The following MRPL48 variants were observed in gnomAD, a reference collection of about 807,000 sequenced individuals.
The protein encoded by MRPL48 is large ribosomal subunit protein mL48.
Under a neutral mutation model 32.9 loss-of-function variants are expected in MRPL48, and 16 were observed. The observed-to-expected ratio is 0.49, with a 90% CI of 0.33 to 0.74. The LOEUF is 0.74. Among genes scored for constraint, MRPL48 ranks in the 30% least tolerant of loss-of-function variants. MRPL48 has a pLI of 0.02. For synonymous variants in MRPL48, 94 were observed against 89.2 expected (o/e 1.05, Z -0.31); for missense variants, 206 against 245.3 (o/e 0.84, Z 1.07).
At chr11:73,803,378 G>A (rs1237962024) in intron 1 of MRPL48, among the ~76,000 whole-genome samples, 2 of 151,950 alleles carry the variant, frequency 1.3e-5, no homozygotes, top group African/African-American at 4.8e-5. Flanking sequence ...TGATCTGCCT[G>A]CCTCAGCCTC....
chr11:73,846,067 CAAAAAAAAA>C (rs749259766), intron 5 of MRPL48, among the ~76,000 whole-genome samples: 1 of 57,836 alleles, frequency 1.7e-5, no homozygotes, highest in Non-Finnish European at 3.2e-5. Flanking sequence ...GACCCTGTCT[CAAAAAAAAA>C]AAAAAAAAAA....
At position 73,808,337 on chromosome 11, in the gene MRPL48, C is replaced by T; in HGVS notation, c.99C>T (p.Pro33=). The change falls in exon 3 of 8, where the codon CCC becomes CCT. Residue 33 remains proline, a synonymous_variant. Transcript: ENST00000310614. ...GGTTTAGAACTTCAGGAGAGAAGCC[C>T]ATCTATTCTGTAGGTAAGCAGTTTT... ...LLRFRTSGEK[P]IYSVGGILLS... 5 of 1,608,526 alleles carry T rather than the reference C, an allele frequency of 3.1e-6. No individual in the cohort carries two copies. The highest frequency in any genetic ancestry group is 4.2e-6 in the Non-Finnish European group (5 of 1,176,934).
chr11:73,795,967 C>T (rs545034996), intron 1 of MRPL48, among the ~76,000 whole-genome samples: 1 of 152,272 alleles, frequency 6.6e-6, no homozygotes, highest in Admixed American at 6.5e-5. Context: ...CCCTTAGCAC[C>T]CACTAATCAT....
At chr11:73,796,186 AAGC>A (rs1266980578) in intron 1 of MRPL48, among the ~76,000 whole-genome samples, 5 of 152,218 alleles carry the variant, frequency 3.3e-5, no homozygotes, top group African/African-American at 1.2e-4. Context: ...TCCACGGAGC[AAGC>A]AGGAGCTCCG....
At chr11:73,797,690 C>A (rs1431157347) in intron 1 of MRPL48, among the ~76,000 whole-genome samples, 3 of 152,228 alleles carry the variant, frequency 2.0e-5, no homozygotes, top group African/African-American at 7.2e-5. Context: ...CTCACATACC[C>A]CTCACTGGCC....
chr11:73,804,934 T>A (rs1016912456), intron 1 of MRPL48, 93 bp from the exon 2 acceptor site: 3 of 1,191,932 alleles, frequency 2.5e-6, no homozygotes, highest in African/African-American at 3.1e-5. Flanking sequence ...CCTTTTCTGG[T>A]TTGTGTACTG....
intron 4 of MRPL48, among the ~76,000 whole-genome samples, chr11:73,831,204 C>T (rs895922795): frequency 1.3e-5 from 2 of 152,068 alleles, no homozygotes; most frequent in Non-Finnish European, 2.9e-5. Flanking sequence ...CCCTCCATCC[C>T]GTGTCCTTGT....
At chr11:73,850,826 G>A in intron 5 of MRPL48, 1 of 229,036 alleles carries the variant, frequency 4.4e-6, no homozygotes, top group Non-Finnish European at 8.7e-6. Flanking sequence ...ACAGGCACCT[G>A]CCACAACGCC....
chr11:73,842,950 T>A (rs1948218736), intron 4 of MRPL48: 1 of 152,250 alleles, frequency 6.6e-6, no homozygotes, highest in African/African-American at 2.4e-5. Context: ...TAGCTGGGAT[T>A]ACAGGCACTT....
chr11:73,858,760 TATCTC>T (rs1948531408), intron 5 of MRPL48, among the ~76,000 whole-genome samples: 1 of 152,256 alleles, frequency 6.6e-6, no homozygotes, highest in Admixed American at 6.5e-5. Context: ...AGTCCAGTCT[TATCTC>T]ATTAATACAC....
chr11:73,820,452 T>A (rs1314793781), intron 3 of MRPL48, among the ~76,000 whole-genome samples: 3 of 152,170 alleles, frequency 2.0e-5, no homozygotes, highest in African/African-American at 7.2e-5. Context: ...CTCAAACTCA[T>A]GACCTCAAGT....
intron 3 of MRPL48, among the ~76,000 whole-genome samples, chr11:73,820,822 CA>C (rs1454928230): frequency 1.3e-5 from 2 of 152,122 alleles, no homozygotes; most frequent in Non-Finnish European, 2.9e-5. Context: ...ACTTCCCCCC[CA>C]CTATCCCCCC....
intron 3 of MRPL48, among the ~76,000 whole-genome samples, chr11:73,810,558 TA>T (rs59377941): frequency 0.3 from 26,177 of 86,738 alleles, 2,336 homozygotes; most frequent in African/African-American, 0.42. Flanking sequence ...TTTCTTTCTT[TA>T]TTTTTTTTTT....
intron 5 of MRPL48, chr11:73,850,773 T>G: frequency 4.6e-6 from 1 of 217,300 alleles, no homozygotes; most frequent in Non-Finnish European, 9.2e-6. Context: ...GCCTCCCAGG[T>G]TCACTCCATT....
intron 5 of MRPL48, among the ~76,000 whole-genome samples, chr11:73,857,612 T>TC (rs60112729): frequency 7.2e-6 from 1 of 138,328 alleles, no homozygotes; most frequent in African/African-American, 2.7e-5. Context: ...TTTTTTTTTT[T>TC]GAGACAGAGT....
intron 1 of MRPL48, among the ~76,000 whole-genome samples, chr11:73,791,952 C>A (rs1045582953): frequency 3.3e-5 from 5 of 152,152 alleles, no homozygotes; most frequent in Non-Finnish European, 5.9e-5. Flanking sequence ...GAGACACGGT[C>A]TCACTATGTT....
intron 3 of MRPL48, among the ~76,000 whole-genome samples, chr11:73,816,348 C>A (rs111876866): frequency 1.6e-5 from 2 of 124,758 alleles, no homozygotes; most frequent in African/African-American, 6.0e-5. Context: ...GCGTGAGCCA[C>A]CGTGCCCGGC....
intron 5 of MRPL48, among the ~76,000 whole-genome samples, chr11:73,854,479 G>T (rs1948454265): frequency 1.3e-5 from 2 of 152,098 alleles, no homozygotes; most frequent in Admixed American, 1.3e-4. Flanking sequence ...TACAGATGGG[G>T]TTTCACTATG....
chr11:73,816,541 C>G (rs983653769), intron 3 of MRPL48, among the ~76,000 whole-genome samples: 3 of 152,002 alleles, frequency 2.0e-5, no homozygotes, highest in Admixed American at 6.6e-5. Context: ...TCTTGGCCCA[C>G]TGCAACCTCC....
Sources: gnomAD v4.1 joint callset for allele counts (sites outside exome capture counted in the v4.1 genomes callset) on GRCh38, gnomAD v4.1.1 for gene constraint, MANE v1.5 for transcripts, NCBI Gene and HGNC (gene_info 2026-07-23, HGNC 2026-07-21) for gene names.